Variants in NTRK3 observed in about 807,000 individuals in gnomAD.
NTRK3 encodes the protein NT-3 growth factor receptor.
Under a neutral mutation model 91.7 loss-of-function variants are expected in NTRK3, and 24 were observed. The observed-to-expected ratio is 0.26, with a 90% confidence interval of 0.19 to 0.37. The LOEUF is 0.37. Ranked by LOEUF, NTRK3 falls within the 10% of genes least tolerant of loss-of-function variation. The pLI is 1.00. For synonymous variants in NTRK3, 483 were observed against 404.0 expected (o/e 1.20, Z -2.34); for missense variants, 880 against 1,068.9 (o/e 0.82, Z 2.46).
intron 16 of NTRK3, among the ~76,000 whole-genome samples, chr15:87,930,136 C>T (rs1033047371): frequency 3.3e-5 from 5 of 152,180 alleles, no homozygotes; most frequent in African/African-American, 9.7e-5. Flanking sequence ...TCCACCACAC[C>T]GCTTAGCACT....
chr15:87,868,667 T>C (rs1427665215), exon 19 of NTRK3: 15 of 220,140 alleles, frequency 6.8e-5, no homozygotes, highest in South Asian at 5.5e-4. Context: ...AATGGCCCTA[T>C]TTTGCAGAAA....
exon 19 of NTRK3, chr15:87,874,353 C>G: frequency 6.7e-6 from 1 of 149,548 alleles, no homozygotes; most frequent in Non-Finnish European, 1.3e-5. Context: ...ACCCCAAGAT[C>G]AGCGTGAAAG....
chr15:88,150,809 G>C (rs930306931), intron 5 of NTRK3, among the ~76,000 whole-genome samples: 2 of 152,166 alleles, frequency 1.3e-5, no homozygotes, highest in Non-Finnish European at 2.9e-5. Flanking sequence ...AAAACAAGCA[G>C]AGCATGCCTC....
At chr15:88,212,229 G>C (rs2349053) in intron 3 of NTRK3, among the ~76,000 whole-genome samples, 122,802 of 151,904 alleles carry the variant, frequency 0.81, 50,727 homozygotes, top group East Asian at 0.99. Flanking sequence ...AATTAGCTGG[G>C]CATGGTGGCA....
At chr15:87,954,018 G>A (rs1179649877) in intron 14 of NTRK3, among the ~76,000 whole-genome samples, 2 of 125,382 alleles carry the variant, frequency 1.6e-5, no homozygotes, top group Admixed American at 1.5e-4. Context: ...GTGTGTGTGT[G>A]TGTGTGTGTG....
intron 6 of NTRK3, among the ~76,000 whole-genome samples, chr15:88,143,484 C>A (rs1372071891): frequency 1.3e-5 from 2 of 152,264 alleles, no homozygotes; most frequent in Non-Finnish European, 2.9e-5. Flanking sequence ...TTTAAGCCAC[C>A]AAGTGTGTGG....
At chr15:88,036,970 T>C (rs780610878) in intron 13 of NTRK3, among the ~76,000 whole-genome samples, 2 of 152,160 alleles carry the variant, frequency 1.3e-5, no homozygotes, top group Admixed American at 1.3e-4. Flanking sequence ...AGATAGCAAG[T>C]AGTCAATGAA....
At chr15:87,916,930 T>A (rs778277440) in intron 17 of NTRK3, among the ~76,000 whole-genome samples, 1 of 152,108 alleles carries the variant, frequency 6.6e-6, no homozygotes, top group Non-Finnish European at 1.5e-5. Context: ...GCCCAGCTAA[T>A]TTTTCATATT....
At chr15:88,059,049 AAC>A (rs56706510) in intron 13 of NTRK3, among the ~76,000 whole-genome samples, 37,788 of 143,942 alleles carry the variant, frequency 0.26, 4,930 homozygotes, top group Non-Finnish European at 0.32. Flanking sequence ...CTCACACACA[AAC>A]ACACACACAC....
chr15:88,048,267 A>G (rs2080439432), intron 13 of NTRK3, among the ~76,000 whole-genome samples: 2 of 152,166 alleles, frequency 1.3e-5, no homozygotes, highest in African/African-American at 4.8e-5. Context: ...TCTTAGAGAA[A>G]TTAGTGCCAA....
chr15:88,013,978 T>A (rs1408304099), intron 14 of NTRK3, among the ~76,000 whole-genome samples: 2 of 152,182 alleles, frequency 1.3e-5, no homozygotes, highest in African/African-American at 4.8e-5. Context: ...ATAGTAACAC[T>A]GTATCTCACT....
intron 13 of NTRK3, among the ~76,000 whole-genome samples, chr15:88,060,632 T>C (rs1215359765): frequency 2.0e-5 from 3 of 152,088 alleles, no homozygotes; most frequent in Non-Finnish European, 2.9e-5. Flanking sequence ...GGCACTTTGA[T>C]GGGAAGCCCT....
At chr15:87,881,550 G>T (rs1277688256) in intron 17 of NTRK3, among the ~76,000 whole-genome samples, 3 of 151,888 alleles carry the variant, frequency 2.0e-5, no homozygotes, top group Admixed American at 6.6e-5. Context: ...CTCCCGAGTA[G>T]CTGGGACTAC....
intron 3 of NTRK3, among the ~76,000 whole-genome samples, chr15:88,188,160 CA>C (rs2047097523): frequency 6.6e-6 from 1 of 152,182 alleles, no homozygotes; most frequent in South Asian, 2.1e-4. Flanking sequence ...ATGGCCCCCA[CA>C]GGAACCTGCA....
chr15:87,995,993 C>T (rs2075667314), intron 14 of NTRK3, among the ~76,000 whole-genome samples: 1 of 152,086 alleles, frequency 6.6e-6, no homozygotes, highest in Non-Finnish European at 1.5e-5. Context: ...CTTGTAATCC[C>T]AGCACTTTGG....
At chr15:88,112,525 G>T (rs542164870) in intron 13 of NTRK3, among the ~76,000 whole-genome samples, 5 of 89,850 alleles carry the variant, frequency 5.6e-5, no homozygotes, top group Non-Finnish European at 1.1e-4. Flanking sequence ...ACTGCCTTCT[G>T]CCTGCCACTG....
chr15:88,034,447 C>T (rs564550156), intron 13 of NTRK3, among the ~76,000 whole-genome samples: 12 of 152,142 alleles, frequency 7.9e-5, no homozygotes, highest in Non-Finnish European at 1.2e-4. Context: ...CTGTTTGGTG[C>T]CGTGGTTCTC....
chr15:88,224,341 G>A (rs1027725115), intron 3 of NTRK3, among the ~76,000 whole-genome samples: 1 of 152,174 alleles, frequency 6.6e-6, no homozygotes, highest in South Asian at 2.1e-4. Context: ...AGAGCAAGTC[G>A]TGAGAACGCT....
In NTRK3 at chr15:88,126,263, C is replaced by T. The variant is rs774240378; in HGVS notation, c.1396+8G>A. 3.1e-6 allele frequency: 5 copies of T among 1,597,786 alleles called. No homozygotes were observed. The highest frequency in any genetic ancestry group is 1.7e-5 in the Admixed American group (1 of 59,988). On this transcript the variant is annotated splice_region_variant and intron_variant, in intron 13 of 18. Transcript: ENST00000394480. ...ATGACGCCCTTGAAAATGAAACTCC[C>T]ACCTTACCCTTCATTCCAAATTTGG...
Sources: gnomAD v4.1 joint callset for allele counts (sites outside exome capture counted in the v4.1 genomes callset) on GRCh38, gnomAD v4.1.1 for gene constraint, MANE v1.5 for transcripts, NCBI Gene and HGNC (gene_info 2026-07-23, HGNC 2026-07-21) for gene names.